RAP1B: variants seen among roughly 807,000 people sequenced by gnomAD.
RAP1B encodes ras-related protein Rap-1b.
In RAP1B, 1 loss-of-function variant was observed where a neutral mutation model predicts 27.5. That is an observed-to-expected ratio of 0.04 (90% confidence interval 0.01 to 0.17). The LOEUF is 0.17. RAP1B is among the 10% of genes least tolerant of loss of function. The pLI is 1.00. For synonymous variants in RAP1B, 75 were observed against 73.1 expected (o/e 1.03, Z -0.13); for missense variants, 84 against 214.8 (o/e 0.39, Z 3.81).
chr12:68,654,351 T>TTG, intron 5 of RAP1B, 99 bp downstream of exon 5: 1 of 164,058 alleles, frequency 6.1e-6, no homozygotes, highest in South Asian at 1.3e-4. Context: ...GTATTTTGGT[T>TTG]GGGGGGGGGG....
chr12:68,627,396 A>T (rs1871880183), intron 1 of RAP1B: 5 of 593,194 alleles, frequency 8.4e-6, no homozygotes, highest in Non-Finnish European at 1.5e-5. Context: ...TTTAAAACAC[A>T]CAAATATACC....
chr12:68,626,875 A>G, intron 1 of RAP1B: 1 of 1,577,414 alleles, frequency 6.3e-7, no homozygotes, highest in East Asian at 2.2e-5. Context: ...AGCCCTCATG[A>G]GTGCAGGGCC....
intron 1 of RAP1B, among the ~76,000 whole-genome samples, chr12:68,616,783 C>G (rs1871055979): frequency 6.6e-6 from 1 of 151,972 alleles, no homozygotes; most frequent in Non-Finnish European, 1.5e-5. Flanking sequence ...CCAAGCTCAC[C>G]TCAAACTCGT....
At chr12:68,637,343 A>G (rs555051413) in intron 1 of RAP1B, among the ~76,000 whole-genome samples, 1 of 152,214 alleles carries the variant, frequency 6.6e-6, no homozygotes, top group South Asian at 2.1e-4. Context: ...CACGCCTGTA[A>G]TCCCAGCACT....
At chr12:68,641,194 A>G (rs1402480920) in intron 1 of RAP1B, 1 of 152,148 alleles carries the variant, frequency 6.6e-6, no homozygotes, top group Non-Finnish European at 1.5e-5. Context: ...TATTTTTTGT[A>G]GAGACGGGGT....
chr12:68,635,439 C>G (rs145863108), intron 1 of RAP1B, among the ~76,000 whole-genome samples: 67 of 152,186 alleles, frequency 4.4e-4, no homozygotes, highest in African/African-American at 1.5e-3. Flanking sequence ...GTAATGTTAC[C>G]TGACTTCAGG....
intron 1 of RAP1B, among the ~76,000 whole-genome samples, chr12:68,641,696 T>A (rs1042054778): frequency 6.6e-6 from 1 of 151,708 alleles, no homozygotes; most frequent in African/African-American, 2.4e-5. Flanking sequence ...GACCTAATAC[T>A]AAAAACTACC....
intron 1 of RAP1B, among the ~76,000 whole-genome samples, chr12:68,623,972 G>C (rs1230073181): frequency 6.6e-6 from 1 of 151,202 alleles, no homozygotes; most frequent in Non-Finnish European, 1.5e-5. Context: ...AGTGAGCCGA[G>C]ATTGCGCCAT....
chr12:68,645,877 T>A (rs1292411831), intron 1 of RAP1B, among the ~76,000 whole-genome samples: 1 of 152,228 alleles, frequency 6.6e-6, no homozygotes, highest in Non-Finnish European at 1.5e-5. Flanking sequence ...AATACCCTGA[T>A]AATATCCCCA....
intron 1 of RAP1B, chr12:68,643,081 C>T: frequency 1.5e-6 from 1 of 647,142 alleles, no homozygotes; most frequent in South Asian, 1.9e-5. Flanking sequence ...AAATTTCTTT[C>T]AGAGTTTTTC....
intron 1 of RAP1B, chr12:68,626,808 T>A: frequency 6.9e-7 from 1 of 1,449,766 alleles, no homozygotes. Flanking sequence ...TTGTTTGTTT[T>A]GGGTGGACAG....
rs1374283888 is a variant in RAP1B at position 68,663,136 on chromosome 12, TCACCCCAACCTC to T, written c.*3888_*3899del. Reference sequence around the variant, plus strand: ...TGGCGTACAGTGGTGCGATCTTGGCTCACCCCAACCTCTGCCTCCCAGGTTCAAGCAATTCTT... The same window carrying T: ...TGGCGTACAGTGGTGCGATCTTGGCTTGCCTCCCAGGTTCAAGCAATTCTT... On this transcript the variant is annotated 3_prime_UTR_variant, in exon 8 of 8. Transcript: ENST00000250559. The T allele has an allele frequency of 1.3e-5, 2 of 151,918 alleles. No individual in the cohort carries two copies. Among genetic ancestry groups the T allele is most frequent in the African/African-American group, 4.8e-5 (2 of 41,340 alleles). 9.4% of individuals were successfully genotyped at this position (151,918 alleles called of 1,614,324 possible). A position where few individuals can be genotyped will look rare whatever the true frequency, so the allele number is the denominator to read the frequency against.
chr12:68,611,514 T>A (rs1870588786), intron 1 of RAP1B, among the ~76,000 whole-genome samples: 1 of 151,904 alleles, frequency 6.6e-6, no homozygotes, highest in Non-Finnish European at 1.5e-5. Context: ...AACCAGAAAG[T>A]TGTCCTTTGC....
chr12:68,630,493 A>C (rs1384202281), intron 1 of RAP1B, among the ~76,000 whole-genome samples: 1 of 152,182 alleles, frequency 6.6e-6, no homozygotes, highest in African/African-American at 2.4e-5. Flanking sequence ...CCTCTAGGGC[A>C]AGAAACTGGT....
intron 1 of RAP1B, among the ~76,000 whole-genome samples, chr12:68,626,028 G>GACA (rs1871746405): frequency 2.6e-5 from 4 of 152,130 alleles, no homozygotes; most frequent in African/African-American, 9.7e-5. Context: ...ATTTTTCTGA[G>GACA]CCATTTGTTT....
At chr12:68,613,616 A>G (rs1870775681) in intron 1 of RAP1B, among the ~76,000 whole-genome samples, 1 of 152,206 alleles carries the variant, frequency 6.6e-6, no homozygotes. Context: ...GTGCCTTGCA[A>G]TAGACATTCA....
intron 1 of RAP1B, among the ~76,000 whole-genome samples, chr12:68,630,767 TCCC>T (rs1230921394): frequency 1.3e-5 from 2 of 151,478 alleles, no homozygotes; most frequent in Non-Finnish European, 2.9e-5. Flanking sequence ...AACCTCAACC[TCCC>T]CAGGCTCAGG....
chr12:68,625,959 T>G (rs1871742243), intron 1 of RAP1B, among the ~76,000 whole-genome samples: 1 of 151,896 alleles, frequency 6.6e-6, no homozygotes. Flanking sequence ...TCAGGAGTGG[T>G]CATATTAAGC....
At chr12:68,625,001 C>G (rs1237919580) in intron 1 of RAP1B, 3 of 152,212 alleles carry the variant, frequency 2.0e-5, no homozygotes. Context: ...CTTTGGTTCT[C>G]ATTGCCTTTA....
Sources: allele counts gnomAD v4.1 joint callset (sites outside exome capture counted in the v4.1 genomes callset), GRCh38; gene constraint gnomAD v4.1.1; transcripts MANE v1.5; gene names NCBI Gene and HGNC (gene_info 2026-07-23, HGNC 2026-07-21).